The following SIDT1 variants were observed in gnomAD, a reference collection of about 807,000 sequenced individuals.
SIDT1 encodes the protein SID1 transmembrane family, member 1.
Under a neutral mutation model 107.5 loss-of-function variants are expected in SIDT1, and 101 were observed. That is an observed-to-expected ratio of 0.94 (90% confidence interval 0.80 to 1.11). The LOEUF (loss-of-function observed/expected upper bound fraction) is 1.11, where lower values mean the gene tolerates loss of function less well. SIDT1 is among the 50% of genes least tolerant of loss of function. The pLI is 0.00. For missense variants in SIDT1, 1,076 were observed against 1,058.2 expected (o/e 1.02, Z -0.23); for synonymous variants, 395 against 398.2 (o/e 0.99, Z 0.10).
intron 1 of SIDT1, among the ~76,000 whole-genome samples, chr3:113,556,369 G>A (rs886371429): frequency 2.6e-5 from 4 of 151,986 alleles, no homozygotes; most frequent in South Asian, 2.1e-4. Context: ...GGGATGAAAC[G>A]CTCCATATAA....
chr3:113,569,381 T>A (rs976568402), intron 3 of SIDT1, among the ~76,000 whole-genome samples: 7 of 152,352 alleles, frequency 4.6e-5, no homozygotes, highest in Non-Finnish European at 8.8e-5. Flanking sequence ...GTTAATTTTT[T>A]AAAAAATCGG....
chr3:113,558,656 G>A (rs1025242561), intron 1 of SIDT1, among the ~76,000 whole-genome samples: 1 of 152,158 alleles, frequency 6.6e-6, no homozygotes, highest in African/African-American at 2.4e-5. Context: ...ACCCATCCAT[G>A]TCACCTTCAT....
Position 113,607,096 on chromosome 3 carries a change from A to G in SIDT1, c.1460A>G (p.His487Arg). The G allele has an allele frequency of 6.2e-7, 1 of 1,612,242 alleles. No individual in the cohort carries two copies. Among genetic ancestry groups the G allele is most frequent in the Non-Finnish European group, 8.5e-7 (1 of 1,178,450 alleles). The change falls in exon 15 of 25, where the codon CAC becomes CGC. Residue 487 changes from histidine (H) to arginine (R), a missense_variant. His to Arg is a conservative substitution (Grantham distance 29, BLOSUM62 0). Coordinates refer to ENST00000264852, the MANE Select transcript of SIDT1 (RefSeq NM_017699.3). The part of the protein sequence containing the change: ...DICYYNFLCA[H>R]PLGVLSAFNN... ...TGTTACTACAACTTCCTCTGTGCTCACCCCTTGGGCGTCCTGAGGTAAACC... is the reference window on the plus strand; with the variant it reads ...TGTTACTACAACTTCCTCTGTGCTCGCCCCTTGGGCGTCCTGAGGTAAACC...
intron 1 of SIDT1, among the ~76,000 whole-genome samples, chr3:113,533,448 T>C (rs957534845): frequency 1.3e-5 from 2 of 152,162 alleles, no homozygotes; most frequent in Non-Finnish European, 2.9e-5. Flanking sequence ...CTCGCGCCTC[T>C]CCTGGCCTGG....
At chr3:113,586,345 G>A (rs957038511) in intron 9 of SIDT1, among the ~76,000 whole-genome samples, 5 of 152,200 alleles carry the variant, frequency 3.3e-5, no homozygotes, top group African/African-American at 1.2e-4. Flanking sequence ...TACACATTCA[G>A]CAATTCAACA....
At chr3:113,540,056 A>G (rs1418495868) in intron 1 of SIDT1, among the ~76,000 whole-genome samples, 1 of 151,776 alleles carries the variant, frequency 6.6e-6, no homozygotes, top group African/African-American at 2.4e-5. Flanking sequence ...TGGCTGAAAG[A>G]TGGCCACTTG....
chr3:113,571,116 CATTT>C (rs1025320874), intron 3 of SIDT1, among the ~76,000 whole-genome samples: 66 of 152,322 alleles, frequency 4.3e-4, no homozygotes, highest in African/African-American at 1.4e-3. Context: ...TTCCATGAAA[CATTT>C]ATTTAAATCC....
chr3:113,533,333 T>G (rs1937688599), intron 1 of SIDT1, 90 bp downstream of exon 1: 2 of 1,046,232 alleles, frequency 1.9e-6, no homozygotes, highest in Non-Finnish European at 1.3e-6. Context: ...GAATTGACCT[T>G]GGGAGACTTC....
chr3:113,626,017 C>A (rs1008155191), intron 23 of SIDT1, 85 bp from the exon 24 acceptor site: 25 of 896,888 alleles, frequency 2.8e-5, no homozygotes, highest in Non-Finnish European at 4.7e-5. Context: ...CATCTAGTAG[C>A]GTTTTTGTGG....
chr3:113,636,328 A>G, the SIDT1 span, among the ~76,000 whole-genome samples: 3 of 152,106 alleles, frequency 2.0e-5, no homozygotes, highest in African/African-American at 7.2e-5. Context: ...GCTTGAACCC[A>G]GGAGGTGGAG....
intron 4 of SIDT1, among the ~76,000 whole-genome samples, chr3:113,579,005 C>G (rs141048972): frequency 6.6e-6 from 1 of 152,132 alleles, no homozygotes; most frequent in South Asian, 2.1e-4. Flanking sequence ...ATTTTGTATC[C>G]TCTTTGATTA....
intron 17 of SIDT1, among the ~76,000 whole-genome samples, chr3:113,609,502 C>T (rs1945589481): frequency 1.3e-5 from 2 of 152,132 alleles, no homozygotes; most frequent in Admixed American, 6.5e-5. Context: ...GATTAGCTTT[C>T]CTGAAGCAAA....
chr3:113,586,294 T>C (rs1440657524), intron 9 of SIDT1, among the ~76,000 whole-genome samples: 1 of 152,036 alleles, frequency 6.6e-6, no homozygotes, highest in Non-Finnish European at 1.5e-5. Flanking sequence ...AGTGTATGAG[T>C]CCCTGTTGAT....
intron 1 of SIDT1, among the ~76,000 whole-genome samples, chr3:113,564,106 G>T (rs1275042736): frequency 6.6e-6 from 1 of 152,142 alleles, no homozygotes; most frequent in South Asian, 2.1e-4. Context: ...GCGCCACCAC[G>T]CCCAGCTAAT....
intron 1 of SIDT1, among the ~76,000 whole-genome samples, chr3:113,550,922 A>T (rs1273142555): frequency 6.6e-6 from 1 of 151,422 alleles, no homozygotes; most frequent in South Asian, 2.1e-4. Context: ...CCCACCCTCC[A>T]CCCTCCAGCA....
intron 7 of SIDT1, 65 bp downstream of exon 7, chr3:113,583,561 C>A: frequency 8.2e-7 from 1 of 1,215,628 alleles, no homozygotes; most frequent in Non-Finnish European, 1.2e-6. Flanking sequence ...GAAAGGGAAG[C>A]TGAAACCTCC....
intron 15 of SIDT1, among the ~76,000 whole-genome samples, chr3:113,607,631 G>A (rs1253964358): frequency 6.6e-6 from 1 of 152,214 alleles, no homozygotes; most frequent in Non-Finnish European, 1.5e-5. Context: ...TTGCTCCAGA[G>A]CTGAACCAGC....
intron 12 of SIDT1, among the ~76,000 whole-genome samples, 190 bp from the exon 13 acceptor site, chr3:113,603,770 A>G (rs1945129964): frequency 1.3e-5 from 2 of 152,234 alleles, no homozygotes; most frequent in African/African-American, 4.8e-5. Flanking sequence ...CATTAAAAGA[A>G]AAGTCTTAAA....
At chr3:113,555,668 A>C (rs1296637808) in intron 1 of SIDT1, among the ~76,000 whole-genome samples, 1 of 152,156 alleles carries the variant, frequency 6.6e-6, no homozygotes, top group Non-Finnish European at 1.5e-5. Flanking sequence ...GAGGTCTGGA[A>C]ACTGCTTCTT....
Sources: gnomAD v4.1 joint callset for allele counts (sites outside exome capture counted in the v4.1 genomes callset) on GRCh38, gnomAD v4.1.1 for gene constraint, MANE v1.5 for transcripts, NCBI Gene and HGNC (gene_info 2026-07-23, HGNC 2026-07-21) for gene names.